The following DOK6 variants were observed in gnomAD, a reference collection of about 807,000 sequenced individuals.
DOK6 encodes downstream of tyrosine kinase 6.
Under a neutral mutation model 44.0 loss-of-function variants are expected in DOK6, and 22 were observed. The observed-to-expected ratio is 0.50, with a 90% CI of 0.36 to 0.71. The LOEUF (loss-of-function observed/expected upper bound fraction) is 0.71, where lower values mean the gene tolerates loss of function less well. DOK6 is among the 30% of genes least tolerant of loss of function. The probability of loss-of-function intolerance (pLI) is 0.00; values close to 1 mark genes in which losing one functional copy is unlikely to be tolerated. For missense variants in DOK6, 340 were observed against 416.4 expected, an observed-to-expected ratio of 0.82 and a Z score of 1.60; for synonymous variants, 166 against 145.5, an observed-to-expected ratio of 1.14 and a Z score of -1.01.
At chr18:69,535,378 G>A (rs1982094409) in intron 1 of DOK6, among the ~76,000 whole-genome samples, 2 of 152,016 alleles carry the variant, frequency 1.3e-5, no homozygotes, top group South Asian at 4.2e-4. Flanking sequence ...GCATATTCAT[G>A]TTACGGTTGA....
intron 1 of DOK6, among the ~76,000 whole-genome samples, chr18:69,524,451 T>C (rs1981773411): frequency 6.6e-6 from 1 of 151,996 alleles, no homozygotes; most frequent in Admixed American, 6.6e-5. Context: ...ATTGTACTTA[T>C]ACTCCCTAAA....
chr18:69,738,386 G>A (rs10871653), intron 5 of DOK6, among the ~76,000 whole-genome samples: 104,662 of 151,810 alleles, frequency 0.69, 38,609 homozygotes, highest in East Asian at 0.84. Context: ...ATATTAAAAT[G>A]TTTTCCATTT....
At chr18:69,421,818 G>A (rs918961623) in intron 1 of DOK6, among the ~76,000 whole-genome samples, 1 of 152,134 alleles carries the variant, frequency 6.6e-6, no homozygotes, top group African/African-American at 2.4e-5. Context: ...CACAGAAACT[G>A]GTGTGGGGTT....
chr18:69,554,337 C>T lies in DOK6; in HGVS notation c.67-10150C>T, dbSNP rs1982637492. ...TGCTGATTACGATGGAAGCCACTTT[C>T]TCACTCTTTATACACTTGTCACCTA... On this transcript the variant is annotated intron_variant, in intron 1 of 7. Transcript: ENST00000382713. 2.6e-5 allele frequency among the ~76,000 whole-genome samples: 4 copies of T among 152,194 alleles called. No homozygotes were observed. In the South Asian group the frequency reaches 8.3e-4, roughly 32 times the overall value.
chr18:69,558,705 GA>G (rs1276546141), intron 1 of DOK6, among the ~76,000 whole-genome samples: 1 of 152,026 alleles, frequency 6.6e-6, no homozygotes, highest in African/African-American at 2.4e-5. Flanking sequence ...TTTAGGTCAC[GA>G]AAAACAAAGT....
At chr18:69,615,344 A>G (rs1001008382) in intron 3 of DOK6, among the ~76,000 whole-genome samples, 1 of 152,202 alleles carries the variant, frequency 6.6e-6, no homozygotes, top group African/African-American at 2.4e-5. Flanking sequence ...TACTTTGGGG[A>G]TAATGGGAAA....
intron 3 of DOK6, among the ~76,000 whole-genome samples, chr18:69,624,195 A>G (rs1232792635): frequency 6.6e-6 from 1 of 152,178 alleles, no homozygotes; most frequent in East Asian, 1.9e-4. Flanking sequence ...AAACCCATCC[A>G]TAAAGAGATT....
intron 1 of DOK6, among the ~76,000 whole-genome samples, chr18:69,492,460 G>T (rs989193971): frequency 2.0e-5 from 3 of 151,816 alleles, no homozygotes; most frequent in Non-Finnish European, 2.9e-5. Context: ...TCAGGGCATA[G>T]ATGTGCAGGT....
rs577370925 is a variant in DOK6 at position 69,703,919 on chromosome 18, G to A, written c.599+5326G>A. Among the ~76,000 whole-genome samples, 6 of 152,210 alleles carry A rather than the reference G, an allele frequency of 3.9e-5. No homozygotes were observed. In the South Asian group the frequency reaches 8.3e-4, roughly 21 times the overall value. On this transcript the variant is annotated intron_variant, in intron 5 of 7. Transcript: ENST00000382713. ...GGGTCCTAATCTGATTGATAGGATC[G>A]GTGGCTTTATAAGAAGGAGAAAGAA...
intron 3 of DOK6, among the ~76,000 whole-genome samples, chr18:69,614,136 C>T (rs183484627): frequency 6.6e-6 from 1 of 151,826 alleles, no homozygotes; most frequent in Non-Finnish European, 1.5e-5. Context: ...AAAGTAACAC[C>T]TTTTCCCCAT....
chr18:69,669,422 AG>A (rs1407155459), intron 3 of DOK6, among the ~76,000 whole-genome samples: 1 of 150,408 alleles, frequency 6.6e-6, no homozygotes, highest in East Asian at 1.9e-4. Context: ...GCTGCTACAA[AG>A]GACATCATTT....
At chr18:69,449,068 T>A (rs1379537488) in intron 1 of DOK6, among the ~76,000 whole-genome samples, 3 of 152,240 alleles carry the variant, frequency 2.0e-5, no homozygotes, top group African/African-American at 7.2e-5. Flanking sequence ...CATATGTTCA[T>A]CCTAGAGATC....
intron 1 of DOK6, among the ~76,000 whole-genome samples, chr18:69,471,250 CA>C (rs71176969): frequency 0.057 from 1,590 of 27,710 alleles, 19 homozygotes; most frequent in East Asian, 0.15. Flanking sequence ...AACTCCATCT[CA>C]AAAAAAAAAA....
chr18:69,537,043 C>T (rs1006729033), intron 1 of DOK6, among the ~76,000 whole-genome samples: 51 of 150,700 alleles, frequency 3.4e-4, no homozygotes, highest in Admixed American at 2.0e-4. Context: ...GCTATGTTGA[C>T]CGGGTCGGTC....
At chr18:69,698,006 G>A (rs2144702504) in intron 4 of DOK6, among the ~76,000 whole-genome samples, 1 of 152,250 alleles carries the variant, frequency 6.6e-6, no homozygotes, top group African/African-American at 2.4e-5. Flanking sequence ...CTTGCCTAAG[G>A]AGAGCAAATA....
At chr18:69,545,567 GCCA>G (rs1361400355) in intron 1 of DOK6, among the ~76,000 whole-genome samples, 5 of 146,676 alleles carry the variant, frequency 3.4e-5, no homozygotes, top group African/African-American at 1.2e-4. Flanking sequence ...CTCAAAAATT[GCCA>G]CTACTTAGAA....
chr18:69,830,221 G>T (rs1177911087), intron 7 of DOK6, among the ~76,000 whole-genome samples: 2 of 152,076 alleles, frequency 1.3e-5, no homozygotes, highest in African/African-American at 2.4e-5. Flanking sequence ...AAAAAGAAAA[G>T]ATGTTATGAA....
chr18:69,758,541 C>G (rs1019201322), intron 7 of DOK6, among the ~76,000 whole-genome samples: 1 of 152,118 alleles, frequency 6.6e-6, no homozygotes, highest in African/African-American at 2.4e-5. Context: ...CCTGTTCCTT[C>G]CCTTTTGTTT....
At chr18:69,604,798 T>A (rs535954872) in intron 3 of DOK6, among the ~76,000 whole-genome samples, 1 of 152,176 alleles carries the variant, frequency 6.6e-6, no homozygotes, top group Non-Finnish European at 1.5e-5. Context: ...GAAAATGCTG[T>A]GTCAAGTAGA....
Sources: allele counts gnomAD v4.1 joint callset (sites outside exome capture counted in the v4.1 genomes callset), GRCh38; gene constraint gnomAD v4.1.1; transcripts MANE v1.5; gene names NCBI Gene and HGNC (gene_info 2026-07-23, HGNC 2026-07-21).